Variants in SYT1 observed in about 807,000 individuals in gnomAD.
SYT1 encodes synaptotagmin-1.
Under a neutral mutation model 44.8 loss-of-function variants are expected in SYT1, and 8 were observed. That is an observed-to-expected ratio of 0.18 (90% CI 0.10 to 0.32). The LOEUF is 0.32. Among genes scored for constraint, SYT1 ranks in the 10% least tolerant of loss-of-function variants. The pLI is 1.00. For missense variants in SYT1, 286 were observed against 509.3 expected (o/e 0.56, Z 4.22); for synonymous variants, 154 against 188.8 (o/e 0.82, Z 1.51).
intron 8 of SYT1, among the ~76,000 whole-genome samples, chr12:79,327,889 CA>C (rs201888883): frequency 0.011 from 1,651 of 152,206 alleles, 26 homozygotes; most frequent in African/African-American, 0.036. Context: ...ACAAGATGTC[CA>C]GATCTGATTA....
chr12:78,932,672 C>T (rs1379914657), intron 1 of SYT1, among the ~76,000 whole-genome samples: 1 of 152,068 alleles, frequency 6.6e-6, no homozygotes, highest in East Asian at 1.9e-4. Context: ...ATCTGACTCT[C>T]CTTGTAATTT....
chr12:79,258,851 A>G (rs1271398103), intron 4 of SYT1, among the ~76,000 whole-genome samples: 1 of 152,222 alleles, frequency 6.6e-6, no homozygotes, highest in Non-Finnish European at 1.5e-5. Context: ...TAATATTTGA[A>G]AGAATTAAAG....
At chr12:79,205,483 G>A (rs939661915) in intron 3 of SYT1, among the ~76,000 whole-genome samples, 2 of 152,086 alleles carry the variant, frequency 1.3e-5, no homozygotes, top group African/African-American at 4.8e-5. Context: ...AAATGAATGC[G>A]TAATAAGTGG....
At chr12:79,082,233 T>C (rs1293285821) in intron 3 of SYT1, among the ~76,000 whole-genome samples, 6 of 152,176 alleles carry the variant, frequency 3.9e-5, no homozygotes, top group African/African-American at 1.4e-4. Flanking sequence ...TTTAAAAATG[T>C]TTGTGGGTTG....
chr12:79,045,050 T>C (rs1053509415), intron 2 of SYT1, among the ~76,000 whole-genome samples: 8 of 152,138 alleles, frequency 5.3e-5, no homozygotes, highest in Non-Finnish European at 1.2e-4. Context: ...CATTTAAGTC[T>C]GCAGAGGTTA....
At chr12:79,324,928 T>C (rs547672482) in intron 8 of SYT1, among the ~76,000 whole-genome samples, 1 of 152,240 alleles carries the variant, frequency 6.6e-6, no homozygotes, top group Non-Finnish European at 1.5e-5. Context: ...ATCATATTAA[T>C]CCAAAATACT....
chr12:79,039,921 T>C (rs578226246), intron 2 of SYT1, among the ~76,000 whole-genome samples: 152 of 145,592 alleles, frequency 1.0e-3, no homozygotes, highest in Non-Finnish European at 1.4e-3. Context: ...TGATTTCCAA[T>C]TTCATCCATG....
chr12:79,205,090 G>A (rs1015738446), intron 3 of SYT1, among the ~76,000 whole-genome samples: 2 of 150,278 alleles, frequency 1.3e-5, no homozygotes, highest in Admixed American at 6.7e-5. Context: ...TCAGCCTCCC[G>A]AGTAGCTGGG....
At chr12:79,098,798 C>T (rs1878291069) in intron 3 of SYT1, among the ~76,000 whole-genome samples, 1 of 152,066 alleles carries the variant, frequency 6.6e-6, no homozygotes, top group African/African-American at 2.4e-5. Flanking sequence ...TAAGCAGCTC[C>T]TAAGAAAGAT....
At chr12:79,204,375 A>G (rs1873973472) in intron 3 of SYT1, among the ~76,000 whole-genome samples, 1 of 152,254 alleles carries the variant, frequency 6.6e-6, no homozygotes, top group Non-Finnish European at 1.5e-5. Flanking sequence ...CTGTTTGAAC[A>G]CAGTGTGATA....
At chr12:79,199,625 C>A (rs1048794455) in intron 3 of SYT1, among the ~76,000 whole-genome samples, 1 of 152,112 alleles carries the variant, frequency 6.6e-6, no homozygotes, top group Non-Finnish European at 1.5e-5. Flanking sequence ...CTGCTTCTGA[C>A]ACCAGAGAAA....
intron 1 of SYT1, among the ~76,000 whole-genome samples, chr12:78,890,096 AC>A (rs1565703916): frequency 6.6e-6 from 1 of 151,886 alleles, no homozygotes; most frequent in Non-Finnish European, 1.5e-5. Context: ...TGAATATTCC[AC>A]TGTCACCTCA....
intron 1 of SYT1, among the ~76,000 whole-genome samples, chr12:78,951,355 A>G (rs574003298): frequency 7.2e-5 from 11 of 152,272 alleles, no homozygotes; most frequent in African/African-American, 2.4e-4. Flanking sequence ...GGATATAAAA[A>G]CAAATTACAC....
At chr12:79,334,510 G>A (rs2139023912) in intron 8 of SYT1, among the ~76,000 whole-genome samples, 1 of 152,200 alleles carries the variant, frequency 6.6e-6, no homozygotes, top group East Asian at 1.9e-4. Context: ...ATAAGTAGGA[G>A]ACCAGTAGGA....
At chr12:78,943,293 C>T (rs572655034) in intron 1 of SYT1, among the ~76,000 whole-genome samples, 31 of 152,134 alleles carry the variant, frequency 2.0e-4, no homozygotes, top group East Asian at 3.9e-4. Context: ...TTCATGGGCC[C>T]GCAGGCTTTA....
chr12:78,882,861 T>C (rs1874531157), intron 1 of SYT1, among the ~76,000 whole-genome samples: 1 of 151,724 alleles, frequency 6.6e-6, no homozygotes, highest in Non-Finnish European at 1.5e-5. Flanking sequence ...CTCTGAATCA[T>C]GGCATCATAG....
chr12:79,145,755 TTGTTTG>T (rs1869854012), intron 3 of SYT1, among the ~76,000 whole-genome samples: 5 of 143,884 alleles, frequency 3.5e-5, no homozygotes, highest in African/African-American at 1.4e-4. Flanking sequence ...TTTTTTTTGT[TTGTTTG>T]TTTGTTTGTT....
At chr12:79,316,467 A>G (rs1881088720) in intron 8 of SYT1, among the ~76,000 whole-genome samples, 1 of 152,132 alleles carries the variant, frequency 6.6e-6, no homozygotes, top group Admixed American at 6.5e-5. Context: ...TTCTGTGGAC[A>G]TATGCTTTCA....
At chr12:79,425,220 T>C (rs867631872) in intron 9 of SYT1, among the ~76,000 whole-genome samples, 5 of 152,138 alleles carry the variant, frequency 3.3e-5, no homozygotes, top group African/African-American at 1.2e-4. Flanking sequence ...TCTAAGGTAA[T>C]GGCAGGAATG....
Sources: allele counts gnomAD v4.1 joint callset (sites outside exome capture counted in the v4.1 genomes callset), GRCh38; gene constraint gnomAD v4.1.1; transcripts MANE v1.5; gene names NCBI Gene and HGNC (gene_info 2026-07-23, HGNC 2026-07-21).